Variants in TRMT2B observed in about 807,000 individuals in gnomAD.
The protein encoded by TRMT2B is tRNA (uracil-5-)-methyltransferase homolog B.
In TRMT2B, 34 loss-of-function variants were observed where a neutral mutation model predicts 39.7. The ratio of observed to expected loss-of-function variants is 0.86; its 90% confidence interval spans 0.65 to 1.14. TRMT2B has a LOEUF of 1.14. Among genes scored for constraint, TRMT2B ranks in the 50% most tolerant of loss-of-function variants. The probability of loss-of-function intolerance (pLI) is 0.00; values close to 1 mark genes in which losing one functional copy is unlikely to be tolerated. For synonymous variants in TRMT2B, 132 were observed against 137.3 expected (o/e 0.96, Z 0.27); for missense variants, 318 against 377.2 (o/e 0.84, Z 1.30).
At chrX:100,982,943 G>A in the TRMT2B span, among the ~76,000 whole-genome samples, 1 of 110,567 alleles carries the variant, frequency 9.0e-6, no homozygotes, top group Non-Finnish European at 1.9e-5. Context: ...TAACCATAGG[G>A]AGTTCATTAA....
chrX:101,016,641 G>GGT (rs200847786), intron 13 of TRMT2B, among the ~76,000 whole-genome samples: 15,003 of 77,173 alleles, frequency 0.19, 1,198 homozygotes, highest in African/African-American at 0.25. Context: ...TAATTTTCGT[G>GGT]GTTTTTTTTT....
intron 2 of TRMT2B, among the ~76,000 whole-genome samples, chrX:101,049,282 C>G (rs2088891964): frequency 9.2e-6 from 1 of 109,154 alleles, no homozygotes; most frequent in Non-Finnish European, 1.9e-5. Flanking sequence ...TTGCTTAAGG[C>G]CAAGAGTTTG....
At chrX:100,988,851 CATATATATAT>C in the TRMT2B span, among the ~76,000 whole-genome samples, 6 of 79,688 alleles carry the variant, frequency 7.5e-5, no homozygotes, top group Non-Finnish European at 1.2e-4. Flanking sequence ...TAATATATCT[CATATATATAT>C]ATATATATAT....
intron 7 of TRMT2B, among the ~76,000 whole-genome samples, chrX:101,034,246 A>G (rs1460950264): frequency 2.8e-5 from 3 of 106,988 alleles, no homozygotes; most frequent in Non-Finnish European, 5.7e-5. Flanking sequence ...GGTTCTAGCG[A>G]TTCTCATACC....
At chrX:100,990,551 C>T in the TRMT2B span, 1 of 1,141,681 alleles carries the variant, frequency 8.8e-7, no homozygotes, top group South Asian at 2.1e-5. Context: ...TCCTGTATAT[C>T]TATATTCTAG....
At chrX:100,975,463 C>T in the TRMT2B span, among the ~76,000 whole-genome samples, 1 of 111,392 alleles carries the variant, frequency 9.0e-6, no homozygotes, top group Non-Finnish European at 1.9e-5. Context: ...GCAAGTCCAT[C>T]CCCTAAATTG....
At chrX:101,017,448 C>T (rs1396497063) in intron 13 of TRMT2B, among the ~76,000 whole-genome samples, 1 of 111,057 alleles carries the variant, frequency 9.0e-6, no homozygotes, top group South Asian at 3.7e-4. Context: ...CAAATCACTT[C>T]GTTTTTTATA....
At chrX:101,027,259 GTC>G (rs1255632880) in intron 7 of TRMT2B, among the ~76,000 whole-genome samples, 1 of 106,846 alleles carries the variant, frequency 9.4e-6, no homozygotes, top group African/African-American at 3.4e-5. Context: ...TTGAGATGGA[GTC>G]TCACTCTGTC....
the TRMT2B span, among the ~76,000 whole-genome samples, chrX:100,997,487 T>C: frequency 8.0e-5 from 9 of 111,844 alleles, no homozygotes; most frequent in African/African-American, 2.6e-4. Context: ...CAAGATTTAA[T>C]TCAGGATCCC....
chrX:100,973,426 G>C, the TRMT2B span, among the ~76,000 whole-genome samples: 1 of 105,692 alleles, frequency 9.5e-6, no homozygotes, highest in Non-Finnish European at 2.0e-5. Context: ...CCTCCCGGGC[G>C]GCGCTCGCCG....
At chrX:101,015,931 G>T (rs752938975) in intron 13 of TRMT2B, among the ~76,000 whole-genome samples, 1 of 110,485 alleles carries the variant, frequency 9.1e-6, no homozygotes, top group Admixed American at 9.8e-5. Flanking sequence ...TTAGCCAGGC[G>T]TGGTGGCAGG....
At chrX:101,005,880 C>CAAAAAAAA (rs370275736), downstream of TRMT2B, among the ~76,000 whole-genome samples, 1 of 64,268 alleles carries the variant, frequency 1.6e-5, no homozygotes, top group Non-Finnish European at 2.9e-5. Flanking sequence ...GATTCCCACT[C>CAAAAAAAA]AAAAAAAAAA....
chrX:101,005,573 CTTTTTT>C (rs10567072), downstream of TRMT2B, among the ~76,000 whole-genome samples: 1 of 91,797 alleles, frequency 1.1e-5, no homozygotes. Context: ...ATTCAGCTGC[CTTTTTT>C]TTTTTTTTTT....
the TRMT2B span, among the ~76,000 whole-genome samples, chrX:100,983,062 G>A: frequency 1.8e-5 from 2 of 110,913 alleles, no homozygotes; most frequent in South Asian, 3.9e-4. Context: ...CCCGGACCAT[G>A]CTTTATGAAA....
intron 7 of TRMT2B, among the ~76,000 whole-genome samples, chrX:101,030,059 A>G (rs900252444): frequency 4.5e-5 from 5 of 111,046 alleles, no homozygotes; most frequent in African/African-American, 1.3e-4. Context: ...CAGGAGTTTG[A>G]GACCAGCCTG....
intron 7 of TRMT2B, among the ~76,000 whole-genome samples, chrX:101,032,226 C>G (rs901862163): frequency 9.1e-6 from 1 of 109,769 alleles, no homozygotes; most frequent in African/African-American, 3.3e-5. Context: ...GCAGAGGTTG[C>G]AGTGAGCTGA....
chrX:101,004,021 A>G, the TRMT2B span, among the ~76,000 whole-genome samples: 1 of 110,104 alleles, frequency 9.1e-6, no homozygotes, highest in African/African-American at 3.3e-5. Flanking sequence ...GATTTTTTTG[A>G]GACAGGGTCT....
chrX:101,049,873 G>C lies in TRMT2B; in HGVS notation c.-24+1378C>G, dbSNP rs185812058. 3.5e-4 allele frequency among the ~76,000 whole-genome samples: 39 copies of C among 111,528 alleles called. No homozygotes were observed. In the East Asian group the frequency reaches 0.011, roughly 31 times the overall value. On this transcript the variant is annotated intron_variant, in intron 2 of 13. Transcript: ENST00000372936. ...GCCAGAGAAAGGAAATGAATGAAGA[G>C]GCAAGAGACATAAAGAATGACATGG...
chrX:101,033,895 T>C (rs1390242696), intron 7 of TRMT2B, among the ~76,000 whole-genome samples: 1 of 105,310 alleles, frequency 9.5e-6, no homozygotes, highest in Non-Finnish European at 1.9e-5. Context: ...CAGGCTGGAG[T>C]ACAGTGGCAT....
Sources: gnomAD v4.1 joint callset for allele counts (sites outside exome capture counted in the v4.1 genomes callset) on GRCh38, gnomAD v4.1.1 for gene constraint, MANE v1.5 for transcripts, NCBI Gene and HGNC (gene_info 2026-07-23, HGNC 2026-07-21) for gene names.